DPYSL4: variants seen among roughly 807,000 people sequenced by gnomAD.
DPYSL4 encodes the protein dihydropyrimidinase like 4.
DPYSL4 carries 43 observed loss-of-function variants against 63.4 expected under a neutral mutation model. The ratio of observed to expected loss-of-function variants is 0.68; its 90% confidence interval spans 0.53 to 0.88. DPYSL4 has a LOEUF of 0.88. Ranked by LOEUF, DPYSL4 falls within the 40% of genes least tolerant of loss-of-function variation. The pLI, the probability that DPYSL4 is intolerant of heterozygous loss-of-function variation, is 0.00. For missense variants in DPYSL4, 733 were observed against 819.5 expected (o/e 0.89, Z 1.29); for synonymous variants, 353 against 331.7 (o/e 1.06, Z -0.70).
rs200665849 is a variant in DPYSL4, at chr10:132,192,805, C to A, written c.276C>A (p.Gly92=). ...CACCGGCTGACGACTTCTGTCAGGG[C>A]ACCAAGGCAGCGCTAGCAGGAGGAA... ...GMTPADDFCQ[G]TKAALAGGTT... The change falls in exon 3 of 14, where the codon GGC becomes GGA. Residue 92 remains glycine, a synonymous_variant. Coordinates refer to ENST00000338492, the MANE Select transcript of DPYSL4 (RefSeq NM_006426.3). 7 of 1,612,682 alleles carry A rather than the reference C, an allele frequency of 4.3e-6. No homozygotes were observed. In the African/African-American group the frequency reaches 8.0e-5, roughly 18 times the overall value.
At chr10:132,201,745 G>T (rs565940734) in intron 10 of DPYSL4, among the ~76,000 whole-genome samples, 1 of 152,206 alleles carries the variant, frequency 6.6e-6, no homozygotes, top group African/African-American at 2.4e-5. Flanking sequence ...GGGTCCCAGC[G>T]GTCCAGCATC....
intron 13 of DPYSL4, 29 bp downstream of exon 13, chr10:132,203,956 G>T: frequency 6.3e-7 from 1 of 1,577,740 alleles, no homozygotes; most frequent in Non-Finnish European, 8.7e-7. Flanking sequence ...ACCAGTGGGG[G>T]TGAGGGGCTC....
intron 1 of DPYSL4, among the ~76,000 whole-genome samples, chr10:132,187,769 C>T (rs866631635): frequency 2.0e-5 from 3 of 152,218 alleles, no homozygotes; most frequent in Non-Finnish European, 2.9e-5. Context: ...CCTGAACCTT[C>T]GAGAGCAGAG....
In DPYSL4 at chr10:132,200,347, G is replaced by A. The variant is rs1384758024; in HGVS notation, c.812-9G>A. On this transcript the variant is annotated splice_polypyrimidine_tract_variant and intron_variant, in intron 8 of 13. Transcript: ENST00000338492. ...CGGTGGGGCACCTCTCATGGGCCTC[G>A]TGCTGCAGGGGTGGTCGTGTTTGGG... 3.1e-6 allele frequency: 5 copies of A among 1,612,814 alleles called. No individual in the cohort carries two copies. The highest frequency in any genetic ancestry group is 1.3e-5 in the African/African-American group (1 of 74,914).
At chr10:132,187,684 C>T (rs1248711466) in intron 1 of DPYSL4, among the ~76,000 whole-genome samples, 4 of 152,246 alleles carry the variant, frequency 2.6e-5, no homozygotes, top group Admixed American at 1.3e-4. Context: ...GCCCCGAACC[C>T]TTCCAGTAAC....
intron 13 of DPYSL4, 64 bp downstream of exon 13, chr10:132,203,991 T>C: frequency 1.3e-6 from 2 of 1,536,814 alleles, no homozygotes; most frequent in Non-Finnish European, 1.8e-6. Context: ...GGGCCTCAGG[T>C]ACCAGGGCCC....
At position 132,196,942 on chromosome 10, in the gene DPYSL4, A is replaced by G. The variant is rs779381068; in HGVS notation, c.540+20A>G. On this transcript the variant is annotated intron_variant, in intron 5 of 13. Transcript: ENST00000338492. ...AGCCAGGTAAGGGCAGGCGTGGGGA[A>G]CGGAGTGGGCAGGTATATCCCAGGC... The G allele has an allele frequency of 6.2e-7, 1 of 1,613,616 alleles. No individual in the cohort carries two copies.
chr10:132,194,258 G>T (rs1016816636), intron 3 of DPYSL4, among the ~76,000 whole-genome samples: 1 of 152,278 alleles, frequency 6.6e-6, no homozygotes, highest in Non-Finnish European at 1.5e-5. Context: ...CCGACCACCT[G>T]GCTTGGAGCT....
At chr10:132,201,301 G>T (rs1193904092) in intron 10 of DPYSL4, among the ~76,000 whole-genome samples, 1 of 152,112 alleles carries the variant, frequency 6.6e-6, no homozygotes, top group Non-Finnish European at 1.5e-5. Flanking sequence ...CCCCCGCGAT[G>T]CCCTCACGAC....
chr10:132,204,512 G>A (rs1489189187), intron 13 of DPYSL4, among the ~76,000 whole-genome samples: 1 of 152,152 alleles, frequency 6.6e-6, no homozygotes, highest in Non-Finnish European at 1.5e-5. Flanking sequence ...TGTCTGGGAG[G>A]CCAGGGGCAG....
At position 132,200,995 on chromosome 10, in the gene DPYSL4, C is replaced by A; in HGVS notation, c.1110+12C>A. 1 of 1,611,756 alleles carries A rather than the reference C, an allele frequency of 6.2e-7. No individual in the cohort carries two copies. Among genetic ancestry groups the A allele is most frequent in the East Asian group, 2.2e-5 (1 of 44,892 alleles). ...GGGAGAAATGTGTGGTGAGCACAGG[C>A]CTGGCCGGGGCACGCCGTCTGGGGA... is the stretch of plus-strand genomic sequence containing the variant. On this transcript the variant is annotated intron_variant, in intron 10 of 13. Transcript: ENST00000338492.
Position 132,198,987 on chromosome 10 carries a change from C to T in DPYSL4, c.811+16C>T, listed in dbSNP as rs748875406. On this transcript the variant is annotated intron_variant, in intron 8 of 13. Coordinates refer to ENST00000338492, the MANE Select transcript of DPYSL4 (RefSeq NM_006426.3). ...AAGCGCAGAGGTGAGCACCCAGCCC[C>T]GCCTCTGATGCCGAGGGGCCATGGT... is the stretch of plus-strand genomic sequence containing the variant. The T allele has an allele frequency of 4.5e-5, 72 of 1,602,496 alleles. No homozygotes were observed. Among genetic ancestry groups the T allele is most frequent in the East Asian group, 9.0e-5 (4 of 44,514 alleles).
intron 1 of DPYSL4, among the ~76,000 whole-genome samples, chr10:132,187,612 G>A (rs1410125395): frequency 1.3e-5 from 2 of 152,196 alleles, no homozygotes; most frequent in African/African-American, 4.8e-5. Context: ...GCGCTGCGTC[G>A]GGAGCTCTTT....
At chr10:132,204,355 C>T (rs988972619) in intron 13 of DPYSL4, among the ~76,000 whole-genome samples, 3 of 152,146 alleles carry the variant, frequency 2.0e-5, no homozygotes, top group Non-Finnish European at 2.9e-5. Flanking sequence ...GAGGGATACA[C>T]GAGAATGCCT....
Position 132,198,500 on chromosome 10 carries a change from C to CCA in DPYSL4, c.690+20_690+21dup, listed in dbSNP as rs761565627. 1.3e-6 allele frequency: 2 copies of CCA among 1,590,396 alleles called. No homozygotes were observed. Among genetic ancestry groups the CCA allele is most frequent in the South Asian group, 2.3e-5 (2 of 88,050 alleles). The stretch of plus-strand genomic sequence containing the variant: ...CCCGAGGAGGTAAGATCCCAGGGCA[C>CCA]CACAGCACACCCGAGCCAACTCCGC... On this transcript the variant is annotated intron_variant, in intron 7 of 13. Transcript: ENST00000338492.
chr10:132,204,830 T>C lies in DPYSL4; in HGVS notation c.1628-9T>C. ...CATTCTCCCCTGCCCATCTGTGCCC[T>C]TTCTTCAGGGTCTCAGGCTGATGAC... On this transcript the variant is annotated splice_polypyrimidine_tract_variant and intron_variant, in intron 13 of 13. Transcript: ENST00000338492. 1.2e-6 allele frequency: 2 copies of C among 1,602,688 alleles called. No individual in the cohort carries two copies. Among genetic ancestry groups the C allele is most frequent in the Non-Finnish European group, 1.7e-6 (2 of 1,173,792 alleles).
chr10:132,200,701 A>G lies in DPYSL4; in HGVS notation c.969-141A>G. On this transcript the variant is annotated intron_variant, in intron 9 of 13. Coordinates refer to ENST00000338492, the MANE Select transcript of DPYSL4 (RefSeq NM_006426.3). ...CAGGAACCAGTCCCCGCTCCCCTGC[A>G]CAGAGGCACCAGCTCTGCCCAGCGA... 3 of 1,371,170 alleles carry G rather than the reference A, an allele frequency of 2.2e-6. 1 individual carries two copies. In the South Asian group the frequency reaches 4.4e-5, roughly 20 times the overall value. The allele number at this position is 1,371,170 out of a possible 1,614,324, so 84.9% of individuals were successfully genotyped here.
At chr10:132,191,438 ATGTGGTATC>A in intron 2 of DPYSL4, among the ~76,000 whole-genome samples, 1 of 115,424 alleles carries the variant, frequency 8.7e-6, no homozygotes. Flanking sequence ...CACGCTGGTC[ATGTGGTATC>A]CAGGCAGATG....
At chr10:132,194,446 C>T (rs1394756791) in intron 3 of DPYSL4, among the ~76,000 whole-genome samples, 2 of 152,138 alleles carry the variant, frequency 1.3e-5, no homozygotes, top group Non-Finnish European at 2.9e-5. Context: ...AGAGGTGGGG[C>T]CCAGCACCTT....
Sources: gnomAD v4.1 joint callset for allele counts (sites outside exome capture counted in the v4.1 genomes callset) on GRCh38, gnomAD v4.1.1 for gene constraint, MANE v1.5 for transcripts, NCBI Gene and HGNC (gene_info 2026-07-23, HGNC 2026-07-21) for gene names.